The following BBS9 variants were observed in gnomAD, a reference collection of about 807,000 sequenced individuals.
BBS9 encodes protein PTHB1.
Under a neutral mutation model 117.7 loss-of-function variants are expected in BBS9, and 89 were observed. The ratio of observed to expected loss-of-function variants is 0.76; its 90% CI spans 0.64 to 0.90. The LOEUF (loss-of-function observed/expected upper bound fraction) is 0.90. Among genes scored for constraint, BBS9 ranks in the 40% least tolerant of loss-of-function variants. The pLI is 0.00. For synonymous variants in BBS9, 379 were observed against 370.9 expected (o/e 1.02, Z -0.25); for missense variants, 982 against 1,042.2 (o/e 0.94, Z 0.80).
chr7:33,386,492 ATTT>A (rs1826040370), intron 18 of BBS9, among the ~76,000 whole-genome samples: 1 of 148,348 alleles, frequency 6.7e-6, no homozygotes. Context: ...TTATTTATTT[ATTT>A]ATTTATTTAT....
intron 21 of BBS9, among the ~76,000 whole-genome samples, chr7:33,574,786 T>G (rs1858503011): frequency 6.6e-6 from 1 of 150,472 alleles, no homozygotes; most frequent in Non-Finnish European, 1.5e-5. Context: ...GTAAACTATA[T>G]AGAGAGAGTT....
At chr7:33,145,785 A>T (rs1328852053) in intron 1 of BBS9, among the ~76,000 whole-genome samples, 1 of 152,156 alleles carries the variant, frequency 6.6e-6, no homozygotes, top group African/African-American at 2.4e-5. Context: ...GGACTTGAGC[A>T]TCTGGGGATT....
chr7:33,472,030 C>T (rs921960918), intron 19 of BBS9, among the ~76,000 whole-genome samples: 6 of 152,142 alleles, frequency 3.9e-5, no homozygotes, highest in African/African-American at 1.4e-4. Flanking sequence ...CCCCACTTTC[C>T]TCTTAGGACC....
intron 4 of BBS9, among the ~76,000 whole-genome samples, chr7:33,159,293 C>T (rs754271854): frequency 1.3e-5 from 2 of 152,078 alleles, no homozygotes; most frequent in Non-Finnish European, 2.9e-5. Context: ...TCTCAAAACC[C>T]ACTGAGAAAT....
intron 19 of BBS9, among the ~76,000 whole-genome samples, chr7:33,455,309 T>C (rs939762540): frequency 6.6e-6 from 1 of 152,108 alleles, no homozygotes; most frequent in South Asian, 2.1e-4. Context: ...CCTCTGTAGT[T>C]GTCTTTGCTG....
At chr7:33,321,066 G>A (rs1169393813) in intron 9 of BBS9, among the ~76,000 whole-genome samples, 3 of 151,928 alleles carry the variant, frequency 2.0e-5, no homozygotes, top group African/African-American at 7.3e-5. Flanking sequence ...TGATGTTTCT[G>A]GGTTCTCTCT....
chr7:33,452,730 G>A (rs1390369259), intron 19 of BBS9, among the ~76,000 whole-genome samples: 3 of 152,152 alleles, frequency 2.0e-5, no homozygotes, highest in Non-Finnish European at 4.4e-5. Context: ...GGGTAAAAAG[G>A]TTATTATGGG....
At chr7:33,274,259 T>C (rs1800329991) in intron 9 of BBS9, among the ~76,000 whole-genome samples, 1 of 152,184 alleles carries the variant, frequency 6.6e-6, no homozygotes, top group South Asian at 2.1e-4. Flanking sequence ...ACAAAAATAT[T>C]TCTTTTAGCA....
intron 1 of BBS9, among the ~76,000 whole-genome samples, chr7:33,143,387 A>G (rs1381267203): frequency 6.6e-6 from 1 of 151,856 alleles, no homozygotes; most frequent in Non-Finnish European, 1.5e-5. Flanking sequence ...AACACTTGTT[A>G]TTTTGTGTTT....
At chr7:33,517,844 T>C (rs991677651) in intron 20 of BBS9, among the ~76,000 whole-genome samples, 19 of 152,226 alleles carry the variant, frequency 1.2e-4, no homozygotes, top group African/African-American at 4.6e-4. Context: ...TTCTCAATGA[T>C]GAGTGCCTGA....
chr7:33,399,857 T>C (rs1371276733), intron 19 of BBS9, among the ~76,000 whole-genome samples: 1 of 152,188 alleles, frequency 6.6e-6, no homozygotes, highest in East Asian at 1.9e-4. Flanking sequence ...TCCCTGGATT[T>C]AGGTATGTAA....
intron 21 of BBS9, among the ~76,000 whole-genome samples, chr7:33,600,469 A>G (rs1485275836): frequency 6.6e-6 from 1 of 152,118 alleles, no homozygotes; most frequent in Non-Finnish European, 1.5e-5. Flanking sequence ...AAACTTGTGT[A>G]AGCCTTAGCA....
chr7:33,560,453 C>A (rs1170069333), intron 21 of BBS9, among the ~76,000 whole-genome samples: 2 of 152,150 alleles, frequency 1.3e-5, no homozygotes, highest in Non-Finnish European at 2.9e-5. Flanking sequence ...TTTGTGAAAT[C>A]ACCACGAGAT....
chr7:33,342,079 AG>A (rs147420754), intron 11 of BBS9, among the ~76,000 whole-genome samples: 2,123 of 152,252 alleles, frequency 0.014, 53 homozygotes, highest in African/African-American at 0.048. Flanking sequence ...TTCATTATTT[AG>A]GTATCAGAAC....
At chr7:33,152,135 ACT>A (rs1285779769) in intron 2 of BBS9, among the ~76,000 whole-genome samples, 2 of 152,000 alleles carry the variant, frequency 1.3e-5, no homozygotes, top group Admixed American at 1.3e-4. Context: ...ATGTGCAAAG[ACT>A]CTGTTTCCAA....
intron 19 of BBS9, among the ~76,000 whole-genome samples, chr7:33,454,367 A>G (rs1024370314): frequency 2.6e-5 from 4 of 152,172 alleles, no homozygotes; most frequent in Admixed American, 2.6e-4. Flanking sequence ...TTTCTCCCTC[A>G]GGCTGGTAGT....
chr7:33,622,170 A>G (rs942846838), intron 21 of BBS9, among the ~76,000 whole-genome samples: 1 of 152,184 alleles, frequency 6.6e-6, no homozygotes, highest in Non-Finnish European at 1.5e-5. Context: ...AGATAGCGCC[A>G]TTGCACTCCA....
chr7:33,219,511 T>C lies in BBS9; in HGVS notation c.443-37725T>C, dbSNP rs538155436. 2.0e-5 allele frequency among the ~76,000 whole-genome samples: 3 copies of C among 152,276 alleles called. No individual in the cohort carries two copies. The East Asian group carries it at 5.8e-4, about 29-fold the overall frequency. On this transcript the variant is annotated intron_variant, in intron 5 of 22. Transcript: ENST00000242067. Reference sequence around the variant, plus strand: ...TAAATACACCAATCGGCACTCTGTATCTAGCTCAAGGTTTGTAAGCACACC... The same window carrying C: ...TAAATACACCAATCGGCACTCTGTACCTAGCTCAAGGTTTGTAAGCACACC...
At chr7:33,187,659 C>G (rs937715340) in intron 5 of BBS9, among the ~76,000 whole-genome samples, 1 of 152,194 alleles carries the variant, frequency 6.6e-6, no homozygotes, top group African/African-American at 2.4e-5. Context: ...GTGGCTCATG[C>G]CTGTAATCCC....
Sources: gnomAD v4.1 joint callset for allele counts (sites outside exome capture counted in the v4.1 genomes callset) on GRCh38, gnomAD v4.1.1 for gene constraint, MANE v1.5 for transcripts, NCBI Gene and HGNC (gene_info 2026-07-23, HGNC 2026-07-21) for gene names.